TULP4: variants seen among roughly 807,000 people sequenced by gnomAD.
The protein encoded by TULP4 is TUB like protein 4.
TULP4 carries 16 observed loss-of-function variants against 129.0 expected under a neutral mutation model. That is an observed-to-expected ratio of 0.12 (90% CI 0.08 to 0.19). The LOEUF is 0.19. Among genes scored for constraint, TULP4 ranks in the 10% least tolerant of loss-of-function variants. TULP4 has a pLI of 1.00. For missense variants in TULP4, 1,842 were observed against 2,059.1 expected, an observed-to-expected ratio of 0.89 and a Z score of 2.04; for synonymous variants, 998 against 854.0, an observed-to-expected ratio of 1.17 and a Z score of -2.94.
intron 1 of TULP4, among the ~76,000 whole-genome samples, chr6:158,323,539 C>T (rs929883444): frequency 1.8e-5 from 2 of 110,468 alleles, no homozygotes; most frequent in African/African-American, 6.4e-5. Context: ...TAGGTGACCA[C>T]ATCTACCTTG....
At chr6:158,462,469 G>A (rs1313285080) in intron 6 of TULP4, among the ~76,000 whole-genome samples, 1 of 151,132 alleles carries the variant, frequency 6.6e-6, no homozygotes, top group African/African-American at 2.4e-5. Flanking sequence ...TGCCTCCCGG[G>A]TTCACACCGT....
intron 3 of TULP4, among the ~76,000 whole-genome samples, chr6:158,441,239 G>A (rs772639971): frequency 2.7e-5 from 4 of 150,774 alleles, no homozygotes; most frequent in East Asian, 2.0e-4. Context: ...GCTTGAACCC[G>A]AAGGCAGAGG....
intron 1 of TULP4, among the ~76,000 whole-genome samples, chr6:158,258,982 C>T (rs988078470): frequency 2.6e-5 from 4 of 152,202 alleles, no homozygotes; most frequent in Non-Finnish European, 4.4e-5. Context: ...GTAATCCCAG[C>T]ACTTTGGGAG....
At chr6:158,458,874 A>G (rs1779353744) in intron 5 of TULP4, among the ~76,000 whole-genome samples, 1 of 152,196 alleles carries the variant, frequency 6.6e-6, no homozygotes, top group Admixed American at 6.5e-5. Context: ...ATTCTTTCTT[A>G]GTCCCACTGC....
chr6:158,397,770 G>T, intron 1 of TULP4: 1 of 152,208 alleles, frequency 6.6e-6, no homozygotes, highest in Non-Finnish European at 1.5e-5. Context: ...AATAAGCCTT[G>T]GCTATTTTAA....
At chr6:158,461,220 T>C (rs1373667466) in intron 5 of TULP4, among the ~76,000 whole-genome samples, 1 of 152,180 alleles carries the variant, frequency 6.6e-6, no homozygotes, top group East Asian at 1.9e-4. Context: ...GAGACCAGCC[T>C]GACCAACATG....
At chr6:158,491,448 T>TTGAGGAG (rs1562589201) in intron 9 of TULP4, among the ~76,000 whole-genome samples, 6 of 59,806 alleles carry the variant, frequency 1.0e-4, no homozygotes, top group African/African-American at 4.8e-4. Context: ...TTTCTTTTCT[T>TTGAGGAG]TCTTTCTTTT....
chr6:158,397,827 C>T (rs1300850671), intron 1 of TULP4: 1 of 152,182 alleles, frequency 6.6e-6, no homozygotes, highest in Admixed American at 6.5e-5. Context: ...AAAACATAGC[C>T]TCTTCGTGAT....
rs117183733 is a variant in TULP4 at position 158,232,905 on chromosome 6, C to T, written n.68+602C>T. Among the ~76,000 whole-genome samples the T allele has an allele frequency of 9.7e-3, 1,474 of 152,346 alleles. 21 individuals are homozygous for T. The highest frequency in any genetic ancestry group is 0.044 in the East Asian group (229 of 5,176). On this transcript the variant is annotated intron_variant and non_coding_transcript_variant, in intron 1 of 1. Coordinates refer to the TULP4 transcript ENST00000620026. ...TGTCGTGGCAGCTGCATGGAAATCC[C>T]GGCGCTTCTGCTGTCTGGAGTCTGT...
At chr6:158,300,540 C>T (rs1237031740) in intron 1 of TULP4, among the ~76,000 whole-genome samples, 1 of 152,176 alleles carries the variant, frequency 6.6e-6, no homozygotes, top group Non-Finnish European at 1.5e-5. Context: ...GGAAATTCCC[C>T]ATTGTTGCAT....
chr6:158,232,363 C>T (rs1226089550), intron 1 of TULP4: 1 of 148,430 alleles, frequency 6.7e-6, no homozygotes, highest in Non-Finnish European at 1.5e-5. Context: ...GGCGCCGGCC[C>T]GAGCGTCGTC....
chr6:158,285,970 C>T (rs1304418062), intron 1 of TULP4, among the ~76,000 whole-genome samples: 2 of 152,136 alleles, frequency 1.3e-5, no homozygotes, highest in African/African-American at 4.8e-5. Flanking sequence ...CATGAAAATG[C>T]CAGGGGATTA....
At chr6:158,473,530 T>C (rs1181614085) in intron 6 of TULP4, among the ~76,000 whole-genome samples, 2 of 152,248 alleles carry the variant, frequency 1.3e-5, no homozygotes, top group African/African-American at 4.8e-5. Flanking sequence ...TTTGTTTGTT[T>C]GTTTTTAGAC....
At chr6:158,353,132 C>G (rs2114807560) in intron 1 of TULP4, among the ~76,000 whole-genome samples, 1 of 152,324 alleles carries the variant, frequency 6.6e-6, no homozygotes, top group African/African-American at 2.4e-5. Context: ...ATGGCTGTCC[C>G]CATCGACCTC....
chr6:158,303,957 C>T (rs1236941357), intron 1 of TULP4, among the ~76,000 whole-genome samples: 2 of 152,068 alleles, frequency 1.3e-5, no homozygotes, highest in African/African-American at 2.4e-5. Context: ...TCTCCACTCC[C>T]GATGGTAAAT....
Position 158,375,114 on chromosome 6 carries a change from G to A in TULP4, c.253-37951G>A, listed in dbSNP as rs185010894. On this transcript the variant is annotated intron_variant, in intron 1 of 13. Transcript: ENST00000367097. ...AAAAATTAGCCAGACGTGGTGGTGG[G>A]TGCCTGTAGTCCCAGCTACTCGGGA... Among the ~76,000 whole-genome samples, 8 of 152,198 alleles carry A rather than the reference G, an allele frequency of 5.3e-5. No homozygotes were observed. In the East Asian group the frequency reaches 1.4e-3, roughly 26 times the overall value.
At chr6:158,461,010 T>C (rs576950717) in intron 5 of TULP4, among the ~76,000 whole-genome samples, 2 of 152,294 alleles carry the variant, frequency 1.3e-5, no homozygotes, top group South Asian at 4.1e-4. Context: ...GATTTCTACC[T>C]AATTTGGTTG....
chr6:158,380,911 A>AAAAAAAAAAG (rs1350830019), intron 1 of TULP4, among the ~76,000 whole-genome samples: 1 of 101,778 alleles, frequency 9.8e-6, no homozygotes, highest in Admixed American at 9.2e-5. Flanking sequence ...AAAAAAAAAA[A>AAAAAAAAAAG]AGAAGAAGAA....
intron 1 of TULP4, among the ~76,000 whole-genome samples, chr6:158,365,899 C>CTTTTTTTTTTTTTTTT (rs5881257): frequency 3.5e-5 from 2 of 57,542 alleles, no homozygotes; most frequent in Non-Finnish European, 5.8e-5. Context: ...CTTTTTCTTT[C>CTTTTTTTTTTTTTTTT]TTTTTTTTTT....
Sources: gnomAD v4.1 joint callset for allele counts (sites outside exome capture counted in the v4.1 genomes callset) on GRCh38, gnomAD v4.1.1 for gene constraint, MANE v1.5 for transcripts, NCBI Gene and HGNC (gene_info 2026-07-23, HGNC 2026-07-21) for gene names.